TMPPE: variants seen among roughly 807,000 people sequenced by gnomAD.
The protein encoded by TMPPE is transmembrane protein with metallophosphoesterase domain.
In TMPPE, 16 loss-of-function variants were observed where a neutral mutation model predicts 22.6. The ratio of observed to expected loss-of-function variants is 0.71; its 90% CI spans 0.48 to 1.08. TMPPE has a LOEUF of 1.08. Among genes scored for constraint, TMPPE ranks in the 50% least tolerant of loss-of-function variants. The probability of loss-of-function intolerance (pLI) is 0.00; values close to 1 mark genes in which losing one functional copy is unlikely to be tolerated. For synonymous variants in TMPPE, 240 were observed against 245.3 expected (o/e 0.98, Z 0.20); for missense variants, 526 against 584.3 (o/e 0.90, Z 1.03).
Position 33,092,590 on chromosome 3 carries a change from A to G in TMPPE, c.*244T>C. On this transcript the variant is annotated 3_prime_UTR_variant, in exon 2 of 2. Coordinates refer to ENST00000342462, the MANE Select transcript of TMPPE (RefSeq NM_001039770.3). ...CTGGAAAATAGAGGGGAGTGCTAAT[A>G]TATGTGACCTTAGTGATCTCACAAG... 7.6e-7 allele frequency: 1 copy of G among 1,307,524 alleles called. No individual in the cohort carries two copies. Among genetic ancestry groups the G allele is most frequent in the East Asian group, 2.8e-5 (1 of 35,886 alleles). 81.0% of individuals were successfully genotyped at this position (1,307,524 alleles called of 1,614,324 possible).
chr3:33,096,371 G>A (rs1170983993), intron 1 of TMPPE: 2 of 980,994 alleles, frequency 2.0e-6, no homozygotes, highest in Non-Finnish European at 2.4e-6. Flanking sequence ...CCCGATCAAC[G>A]ATGGCATCCC....
Position 33,091,338 on chromosome 3 carries a change from G to C in TMPPE, c.*1496C>G. On this transcript the variant is annotated 3_prime_UTR_variant, in exon 2 of 2. Coordinates refer to ENST00000342462, the MANE Select transcript of TMPPE (RefSeq NM_001039770.3). ...CACTATACACCAGGAGGACAAGGAG[G>C]AAAGGAAGAAACCCCCTTTGCCTGC... 1.0e-6 allele frequency: 1 copy of C among 985,534 alleles called. No individual in the cohort carries two copies. Among genetic ancestry groups the C allele is most frequent in the Non-Finnish European group, 1.2e-6 (1 of 829,994 alleles). The allele number at this position is 985,534 out of a possible 1,614,324, so 61.0% of individuals were successfully genotyped here.
rs1432487165 is a variant in TMPPE at position 33,092,003 on chromosome 3, T to G, written c.*831A>C. 15 of 984,434 alleles carry G rather than the reference T, an allele frequency of 1.5e-5. No individual in the cohort carries two copies. Among genetic ancestry groups the G allele is most frequent in the Non-Finnish European group, 1.8e-5 (15 of 829,132 alleles). 61.0% of individuals were successfully genotyped at this position (984,434 alleles called of 1,614,324 possible). On this transcript the variant is annotated 3_prime_UTR_variant, in exon 2 of 2. Transcript: ENST00000342462. ...CATACTGCCTGTGCCCTATCTCTCT[T>G]TGCCTTGGTTTCCTTATCTCCAAAT...
Position 33,093,427 on chromosome 3 carries a change from T to A in TMPPE, c.769A>T (p.Thr257Ser). The change falls in exon 2 of 2, where the codon ACG becomes TCG. Residue 257 changes from threonine (T) to serine (S), a missense_variant. Coordinates refer to ENST00000342462, the MANE Select transcript of TMPPE (RefSeq NM_001039770.3). This position sits in a 1 kb window ranked among gnomAD's most constrained non-coding sequence, Gnocchi z 6.0. ...LSDSEASVLR[T>S]AVAPLGQLHS... The stretch of plus-strand genomic sequence containing the variant: ...AGCTGGCCCAGAGGAGCGACAGCCG[T>A]CCGCAGGACCGAGGCTTCTGAGTCG... 1 of 1,613,882 alleles carries A rather than the reference T, an allele frequency of 6.2e-7. No individual in the cohort carries two copies. The highest frequency in any genetic ancestry group is 8.5e-7 in the Non-Finnish European group (1 of 1,179,964).
In TMPPE at chr3:33,091,729, G is replaced by A. The variant is rs1700771566; in HGVS notation, c.*1105C>T. ...AACGCTGCCCTATGAGTGAGCAGCA[G>A]GGTTAGCCTCTCCAGTCAGAGCGAG... is the stretch of plus-strand genomic sequence containing the variant. On this transcript the variant is annotated 3_prime_UTR_variant, in exon 2 of 2. Transcript: ENST00000342462. 1 of 985,312 alleles carries A rather than the reference G, an allele frequency of 1.0e-6. No homozygotes were observed. Among genetic ancestry groups the A allele is most frequent in the South Asian group, 4.7e-5 (1 of 21,278 alleles). The allele number at this position is 985,312 out of a possible 1,614,324, so 61.0% of individuals were successfully genotyped here. A position where few individuals can be genotyped will look rare whatever the true frequency, so the allele number is the denominator to read the frequency against.
Position 33,096,597 on chromosome 3 carries a change from C to T in TMPPE, c.-109+122G>A, listed in dbSNP as rs1172526087. On this transcript the variant is annotated intron_variant, in intron 1 of 1. Transcript: ENST00000342462. ...TGACCCCATTTTTCTCCTTCCGGAG[C>T]GCTCCGCAGAGCACCAACTGGGAAA... The T allele has an allele frequency of 2.3e-5, 24 of 1,040,852 alleles. 1 individual carries two copies. In the South Asian group the frequency reaches 7.0e-4, roughly 30 times the overall value. The allele number at this position is 1,040,852 out of a possible 1,614,324, so 64.5% of individuals were successfully genotyped here.
Position 33,093,861 on chromosome 3 carries a change from T to C in TMPPE, c.335A>G (p.Tyr112Cys), listed in dbSNP as rs765750730. 3.7e-6 allele frequency: 6 copies of C among 1,613,716 alleles called. No homozygotes were observed. The highest frequency in any genetic ancestry group is 3.3e-5 in the Admixed American group (2 of 59,948). The change falls in exon 2 of 2, where the codon TAT becomes TGT. Residue 112 changes from tyrosine to cysteine, a missense_variant. Transcript: ENST00000342462. The surrounding 1 kb of genome is among the most constrained non-coding windows in gnomAD (Gnocchi z 6.0). Reference protein sequence around the residue: ...TMFFLVAEEPYLFSLAAYSCL... With the variant: ...TMFFLVAEEPCLFSLAAYSCL... ...GGAGTAGGCCGCCAAGGAAAAGAGA[T>C]AGGGCTCTTCGGCCACTAAAAAGAA...
chr3:33,096,397 T>G, intron 1 of TMPPE: 6 of 882,110 alleles, frequency 6.8e-6, no homozygotes, highest in Non-Finnish European at 8.1e-6. Flanking sequence ...AGCCTGCCTA[T>G]TCCCCCCCTC....
chr3:33,092,145 G>A lies in TMPPE; in HGVS notation c.*689C>T, dbSNP rs917502206. 7.1e-6 allele frequency: 7 copies of A among 985,444 alleles called. No individual in the cohort carries two copies. Among genetic ancestry groups the A allele is most frequent in the African/African-American group, 7.0e-5 (4 of 57,194 alleles). 61.0% of individuals were successfully genotyped at this position (985,444 alleles called of 1,614,324 possible). ...TGTTCTCACCATCACCGACCATGGC[G>A]CCCACCGTTCTTCTCCCCTGACCTT... is the stretch of plus-strand genomic sequence containing the variant. On this transcript the variant is annotated 3_prime_UTR_variant, in exon 2 of 2. Coordinates refer to ENST00000342462, the MANE Select transcript of TMPPE (RefSeq NM_001039770.3).
rs1435361376 is a variant in TMPPE at position 33,092,151 on chromosome 3, C to T, written c.*683G>A. ...CACCATCACCGACCATGGCGCCCAC[C>T]GTTCTTCTCCCCTGACCTTGCCCCC... On this transcript the variant is annotated 3_prime_UTR_variant, in exon 2 of 2. Transcript: ENST00000342462. The T allele has an allele frequency of 1.1e-5, 11 of 985,522 alleles. No individual in the cohort carries two copies. Among genetic ancestry groups the T allele is most frequent in the African/African-American group, 5.2e-5 (3 of 57,234 alleles). The allele number at this position is 985,522 out of a possible 1,614,324, so 61.0% of individuals were successfully genotyped here. A position where few individuals can be genotyped will look rare whatever the true frequency, so the allele number is the denominator to read the frequency against.
chr3:33,096,404 C>T (rs528169861), intron 1 of TMPPE: 5 of 968,770 alleles, frequency 5.2e-6, no homozygotes, highest in East Asian at 2.3e-4. Context: ...CTATTCCCCC[C>T]CTCAACCTGG....
chr3:33,093,148 C>G lies in TMPPE; in HGVS notation c.1048G>C (p.Asp350His), dbSNP rs779827089. The G allele has an allele frequency of 3.1e-6, 5 of 1,614,162 alleles. No individual in the cohort carries two copies. Residue 350 changes from aspartate to histidine, a missense_variant, in exon 2 of 2, where the codon GAT becomes CAT. Coordinates refer to ENST00000342462, the MANE Select transcript of TMPPE (RefSeq NM_001039770.3). The surrounding 1 kb of genome is among the most constrained non-coding windows in gnomAD (Gnocchi z 6.0). ...CAGCCCTCCAGGGCCTTGTCAAGATCCATGCCATGGCCAGAGTAGTGCAGG... is the reference window on the plus strand; with the variant it reads ...CAGCCCTCCAGGGCCTTGTCAAGATGCATGCCATGGCCAGAGTAGTGCAGG... ...DILHYSGHGMDLDKALEGCSP... is the reference protein window; with the variant it reads ...DILHYSGHGMHLDKALEGCSP...
chr3:33,096,614 A>G lies in TMPPE; in HGVS notation c.-109+105T>C, dbSNP rs1575506398. On this transcript the variant is annotated intron_variant, in intron 1 of 1. Transcript: ENST00000342462. ...TTCCGGAGCGCTCCGCAGAGCACCA[A>G]CTGGGAAAGCGAGGGCGCCCCAAAC... 1.1e-5 allele frequency: 12 copies of G among 1,061,282 alleles called. No homozygotes were observed. In the South Asian group the frequency reaches 3.2e-4, roughly 28 times the overall value. 65.7% of individuals were successfully genotyped at this position (1,061,282 alleles called of 1,614,324 possible).
intron 1 of TMPPE, chr3:33,096,317 C>G: frequency 1.1e-6 from 1 of 908,560 alleles, no homozygotes; most frequent in Non-Finnish European, 1.3e-6. Context: ...CTCCCACCAA[C>G]TGTGCACGCC....
Position 33,092,713 on chromosome 3 carries a change from C to CAAGG in TMPPE, c.*117_*120dup, listed in dbSNP as rs1700816896. 1.4e-6 allele frequency: 2 copies of CAAGG among 1,471,184 alleles called. No individual in the cohort carries two copies. The highest frequency in any genetic ancestry group is 2.9e-5 in the South Asian group (2 of 68,734). 91.1% of individuals were successfully genotyped at this position (1,471,184 alleles called of 1,614,324 possible). ...TCACTGTTTGAGTCAGGCTTGTGAC[C>CAAGG]AAGGGTGTGTAGGCAAGGATGAGTG... On this transcript the variant is annotated 3_prime_UTR_variant, in exon 2 of 2. Coordinates refer to ENST00000342462, the MANE Select transcript of TMPPE (RefSeq NM_001039770.3).
chr3:33,095,909 G>A (rs1221921056), intron 1 of TMPPE, among the ~76,000 whole-genome samples: 2 of 152,292 alleles, frequency 1.3e-5, no homozygotes, highest in South Asian at 2.1e-4. Context: ...AACCACAGAC[G>A]GGGTGAAGAG....
chr3:33,096,682 C>T, intron 1 of TMPPE, 37 bp downstream of exon 1: 4 of 1,155,656 alleles, frequency 3.5e-6, no homozygotes, highest in Non-Finnish European at 4.3e-6. Context: ...TTGGAATCCC[C>T]TCCCGGAAAG....
At chr3:33,095,543 A>T (rs1700987210) in intron 1 of TMPPE, among the ~76,000 whole-genome samples, 1 of 152,140 alleles carries the variant, frequency 6.6e-6, no homozygotes, top group African/African-American at 2.4e-5. Flanking sequence ...ACACCTAGGC[A>T]CCTGAAATGA....
chr3:33,094,705 C>T (rs1401089887), intron 1 of TMPPE, among the ~76,000 whole-genome samples: 1 of 152,042 alleles, frequency 6.6e-6, no homozygotes. Context: ...CTTCCAGAGG[C>T]TATGTGACAT....
Sources: gnomAD v4.1 joint callset for allele counts (sites outside exome capture counted in the v4.1 genomes callset) on GRCh38, gnomAD v4.1.1 for gene constraint, Gnocchi (gnomAD v3.1) non-coding constraint, MANE v1.5 for transcripts, NCBI Gene and HGNC (gene_info 2026-07-23, HGNC 2026-07-21) for gene names.